The following CCSER1 variants were observed in gnomAD, a reference collection of about 807,000 sequenced individuals.
CCSER1 encodes the protein serine-rich coiled-coil domain-containing protein 1.
A neutral mutation model predicts 82.0 loss-of-function variants in CCSER1; 41 were observed. That is an observed-to-expected ratio of 0.50 (90% CI 0.39 to 0.65). The LOEUF is 0.65. CCSER1 is among the 30% of genes least tolerant of loss of function. The probability of loss-of-function intolerance (pLI) is 0.00; values close to 1 mark genes in which losing one functional copy is unlikely to be tolerated. For missense variants in CCSER1, 1,119 were observed against 1,064.2 expected, an observed-to-expected ratio of 1.05 and a Z score of -0.72; for synonymous variants, 414 against 383.9, an observed-to-expected ratio of 1.08 and a Z score of -0.92.
chr4:90,904,088 T>G (rs1725080233), intron 8 of CCSER1, among the ~76,000 whole-genome samples: 1 of 152,060 alleles, frequency 6.6e-6, no homozygotes, highest in Admixed American at 6.6e-5. Context: ...TTTGAATTGG[T>G]TTTGTTTCTT....
At chr4:91,364,596 A>C (rs780447369) in intron 10 of CCSER1, among the ~76,000 whole-genome samples, 18 of 152,226 alleles carry the variant, frequency 1.2e-4, no homozygotes, top group Non-Finnish European at 2.6e-4. Context: ...GTTAATTCTC[A>C]TATTTAGTCT....
At chr4:91,144,145 T>C (rs1009429037) in intron 10 of CCSER1, among the ~76,000 whole-genome samples, 18 of 152,212 alleles carry the variant, frequency 1.2e-4, no homozygotes, top group African/African-American at 3.1e-4. Flanking sequence ...TAGAACTCAT[T>C]ATTGGTCTGT....
At chr4:90,402,195 A>G (rs1752964497) in intron 4 of CCSER1, among the ~76,000 whole-genome samples, 1 of 152,256 alleles carries the variant, frequency 6.6e-6, no homozygotes, top group Admixed American at 6.5e-5. Flanking sequence ...TCTTCAAAAG[A>G]TAAATGGCAT....
chr4:91,513,515 T>G (rs1759939331), intron 10 of CCSER1, among the ~76,000 whole-genome samples: 1 of 152,178 alleles, frequency 6.6e-6, no homozygotes, highest in Non-Finnish European at 1.5e-5. Context: ...ATCAGTTTTT[T>G]TGAATAGTTT....
chr4:91,260,752 T>G (rs1332824880), intron 10 of CCSER1, among the ~76,000 whole-genome samples: 1 of 151,082 alleles, frequency 6.6e-6, no homozygotes, highest in Non-Finnish European at 1.5e-5. Context: ...TTTTATTTAT[T>G]TATTTATTTA....
At chr4:91,366,635 C>A (rs1749632363) in intron 10 of CCSER1, among the ~76,000 whole-genome samples, 1 of 152,192 alleles carries the variant, frequency 6.6e-6, no homozygotes, top group Non-Finnish European at 1.5e-5. Flanking sequence ...GTAAACAGAG[C>A]TAGCATGCTA....
At position 91,225,174 on chromosome 4, in the gene CCSER1, G is replaced by A. The variant is rs202096684; in HGVS notation, c.2217+139180G>A. ...AAATATGATATATATATGTGTGTGT[G>A]TATATATGTATATAATTATATATAA... is the stretch of plus-strand genomic sequence containing the variant. On this transcript the variant is annotated intron_variant, in intron 10 of 10. Coordinates refer to ENST00000509176, the MANE Select transcript of CCSER1 (RefSeq NM_001145065.2). Among the ~76,000 whole-genome samples, 14 of 140,170 alleles carry A rather than the reference G, an allele frequency of 1.0e-4. No homozygotes were observed. The East Asian group carries it at 1.2e-3, about 12-fold the overall frequency. The allele number at this position is 140,170 out of a possible 152,430, so 92.0% of individuals were successfully genotyped here.
intron 9 of CCSER1, among the ~76,000 whole-genome samples, chr4:91,042,341 G>A (rs1742032917): frequency 6.6e-6 from 1 of 152,144 alleles, no homozygotes; most frequent in Non-Finnish European, 1.5e-5. Context: ...AGGATTGTAA[G>A]TTTCCTGAGG....
At chr4:90,662,232 C>T (rs950229518) in intron 6 of CCSER1, among the ~76,000 whole-genome samples, 5 of 151,986 alleles carry the variant, frequency 3.3e-5, no homozygotes, top group Non-Finnish European at 7.4e-5. Flanking sequence ...CTCCTGACCT[C>T]GTGATCCGCC....
At chr4:90,708,134 C>T (rs1739754685) in intron 6 of CCSER1, among the ~76,000 whole-genome samples, 1 of 152,122 alleles carries the variant, frequency 6.6e-6, no homozygotes, top group South Asian at 2.1e-4. Context: ...TTGTTGGACC[C>T]AGAGGCTTTG....
intron 5 of CCSER1, among the ~76,000 whole-genome samples, chr4:90,560,094 C>T (rs1484255140): frequency 2.6e-5 from 4 of 151,998 alleles, no homozygotes; most frequent in Admixed American, 2.6e-4. Flanking sequence ...ATTTGCATAT[C>T]ATATAATTGG....
At chr4:90,345,466 A>G (rs1433938108) in intron 3 of CCSER1, among the ~76,000 whole-genome samples, 1 of 152,092 alleles carries the variant, frequency 6.6e-6, no homozygotes, top group East Asian at 1.9e-4. Context: ...ACTTTATAAA[A>G]CAAATTTTAA....
intron 9 of CCSER1, among the ~76,000 whole-genome samples, chr4:91,035,510 G>A (rs1044176590): frequency 6.6e-6 from 1 of 152,060 alleles, no homozygotes; most frequent in African/African-American, 2.4e-5. Context: ...ATGCCACTGG[G>A]GATTATTATC....
intron 10 of CCSER1, among the ~76,000 whole-genome samples, chr4:91,393,253 T>C (rs1359741397): frequency 6.6e-6 from 1 of 152,040 alleles, no homozygotes; most frequent in Non-Finnish European, 1.5e-5. Context: ...CTCTCTAGGA[T>C]CTTAAGTTTT....
chr4:90,782,608 A>T (rs912616132), intron 7 of CCSER1, among the ~76,000 whole-genome samples: 2 of 151,184 alleles, frequency 1.3e-5, no homozygotes, highest in African/African-American at 4.9e-5. Context: ...GAAAAAGGGG[A>T]TTGTTTGTCA....
At chr4:90,511,071 A>G (rs1771422748) in intron 5 of CCSER1, among the ~76,000 whole-genome samples, 2 of 152,194 alleles carry the variant, frequency 1.3e-5, no homozygotes, top group Admixed American at 1.3e-4. Context: ...AAGTGTTTCT[A>G]CCACAAGGGA....
intron 10 of CCSER1, among the ~76,000 whole-genome samples, chr4:91,493,179 C>T (rs552212235): frequency 6.6e-5 from 10 of 150,752 alleles, no homozygotes; most frequent in South Asian, 6.2e-4. Context: ...TTCATCTTAA[C>T]AGAGAACTAT....
intron 1 of CCSER1, among the ~76,000 whole-genome samples, chr4:90,255,563 G>T (rs942946637): frequency 1.3e-5 from 2 of 152,006 alleles, no homozygotes; most frequent in Admixed American, 1.3e-4. Flanking sequence ...AAATTTATAT[G>T]TTCACAAAAA....
intron 10 of CCSER1, among the ~76,000 whole-genome samples, chr4:91,089,946 G>T (rs1027315480): frequency 3.9e-5 from 6 of 152,138 alleles, no homozygotes; most frequent in African/African-American, 1.4e-4. Flanking sequence ...AGTCTATTTT[G>T]GTAGATAGTA....
Sources: gnomAD v4.1 joint callset for allele counts (sites outside exome capture counted in the v4.1 genomes callset) on GRCh38, gnomAD v4.1.1 for gene constraint, MANE v1.5 for transcripts, NCBI Gene and HGNC (gene_info 2026-07-23, HGNC 2026-07-21) for gene names.